GRIP1: variants seen among roughly 807,000 people sequenced by gnomAD.
GRIP1 encodes glutamate receptor-interacting protein 1.
A neutral mutation model predicts 129.9 loss-of-function variants in GRIP1; 45 were observed. That is an observed-to-expected ratio of 0.35 (90% CI 0.27 to 0.44). GRIP1 has a LOEUF of 0.44. Ranked by LOEUF, GRIP1 falls within the 20% of genes least tolerant of loss-of-function variation. The probability of loss-of-function intolerance (pLI) is 1.00; values close to 1 mark genes in which losing one functional copy is unlikely to be tolerated. For missense variants in GRIP1, 1,196 were observed against 1,396.8 expected, an observed-to-expected ratio of 0.86 and a Z score of 2.29; for synonymous variants, 530 against 520.8, an observed-to-expected ratio of 1.02 and a Z score of -0.24.
upstream of GRIP1, among the ~76,000 whole-genome samples, chr12:66,808,673 G>C (rs559493953): frequency 4.6e-5 from 7 of 152,104 alleles, no homozygotes; most frequent in South Asian, 1.5e-3. Flanking sequence ...GTTTGTTTTT[G>C]TCTTGAAATA....
chr12:66,840,898 A>G (rs1472440855), intron 1 of GRIP1, among the ~76,000 whole-genome samples: 1 of 152,212 alleles, frequency 6.6e-6, no homozygotes, highest in African/African-American at 2.4e-5. Flanking sequence ...ACTATTTTCT[A>G]ACTGGCTAAC....
In GRIP1 at chr12:66,520,583, T is replaced by C. The variant is rs571565437; in HGVS notation, c.503-2607A>G. On this transcript the variant is annotated intron_variant, in intron 5 of 24. Transcript: ENST00000359742. The stretch of plus-strand genomic sequence containing the variant: ...CATTCACTTATTAAGTGCCTCCACA[T>C]ACCAGGCAGTATTCTAAGCTCACAT... Among the ~76,000 whole-genome samples the C allele has an allele frequency of 5.3e-5, 8 of 152,302 alleles. 1 individual carries two copies. The South Asian group carries it at 1.2e-3, about 24-fold the overall frequency.
At chr12:66,900,115 G>A (rs765664592) in intron 1 of GRIP1, among the ~76,000 whole-genome samples, 1 of 152,172 alleles carries the variant, frequency 6.6e-6, no homozygotes, top group East Asian at 1.9e-4. Flanking sequence ...GATTGGTGAA[G>A]CAGGAATAGA....
chr12:66,497,988 C>T (rs901702761), intron 7 of GRIP1, among the ~76,000 whole-genome samples: 3 of 152,126 alleles, frequency 2.0e-5, no homozygotes, highest in South Asian at 2.1e-4. Context: ...CCTGGCTCAT[C>T]CTGGCTCAAA....
intron 1 of GRIP1, among the ~76,000 whole-genome samples, chr12:66,864,214 T>A (rs754075868): frequency 2.0e-5 from 3 of 149,204 alleles, no homozygotes; most frequent in African/African-American, 4.9e-5. Context: ...TTTAAAATAC[T>A]CTTCATGTCC....
chr12:66,980,729 C>T (rs755487749), intron 1 of GRIP1, among the ~76,000 whole-genome samples: 20 of 152,194 alleles, frequency 1.3e-4, no homozygotes, highest in Non-Finnish European at 2.4e-4. Context: ...GGCCAAGCAT[C>T]AGAACCACAG....
intron 1 of GRIP1, among the ~76,000 whole-genome samples, chr12:67,015,740 G>A (rs1276340590): frequency 6.6e-6 from 1 of 152,182 alleles, no homozygotes; most frequent in Non-Finnish European, 1.5e-5. Flanking sequence ...TGGTGAGAGA[G>A]CAATTTCCCT....
At chr12:66,979,246 A>AAAAAG (rs2042206195) in intron 1 of GRIP1, among the ~76,000 whole-genome samples, 1 of 148,190 alleles carries the variant, frequency 6.7e-6, no homozygotes, top group Non-Finnish European at 1.5e-5. Context: ...AAAAAAAAAA[A>AAAAAG]AAAAAAAACA....
chr12:66,606,571 CT>C (rs1367247707), intron 1 of GRIP1, among the ~76,000 whole-genome samples: 1 of 152,090 alleles, frequency 6.6e-6, no homozygotes, highest in Non-Finnish European at 1.5e-5. Context: ...AGTCTAAATC[CT>C]TTATATGTAT....
intron 2 of GRIP1, among the ~76,000 whole-genome samples, chr12:66,565,676 C>T (rs544939442): frequency 9.2e-5 from 14 of 152,220 alleles, no homozygotes; most frequent in Admixed American, 8.5e-4. Flanking sequence ...TCATTGGTAG[C>T]TTGATGGGGA....
At chr12:66,506,905 C>T (rs370156423) in intron 7 of GRIP1, among the ~76,000 whole-genome samples, 4 of 151,442 alleles carry the variant, frequency 2.6e-5, no homozygotes, top group East Asian at 3.9e-4. Context: ...AAACAGAGAA[C>T]GTATAAGAAA....
At chr12:66,692,357 A>C (rs2035010214) in intron 1 of GRIP1, among the ~76,000 whole-genome samples, 1 of 152,176 alleles carries the variant, frequency 6.6e-6, no homozygotes, top group South Asian at 2.1e-4. Context: ...CAGAAATTTG[A>C]GTGGAGAATT....
At chr12:66,366,069 G>C (rs2055125466) in intron 23 of GRIP1, among the ~76,000 whole-genome samples, 1 of 152,088 alleles carries the variant, frequency 6.6e-6, no homozygotes, top group African/African-American at 2.4e-5. Flanking sequence ...TCTAGCAAAG[G>C]GTGGTAGACA....
intron 8 of GRIP1, among the ~76,000 whole-genome samples, chr12:66,464,618 T>C (rs1300830740): frequency 3.3e-5 from 5 of 152,186 alleles, no homozygotes; most frequent in African/African-American, 4.8e-5. Context: ...CTACCCTACA[T>C]TAAGAACAGG....
chr12:67,036,353 C>T (rs2043095402), intron 1 of GRIP1, among the ~76,000 whole-genome samples: 1 of 148,482 alleles, frequency 6.7e-6, no homozygotes, highest in South Asian at 2.1e-4. Flanking sequence ...TTTTTTTAGA[C>T]TGAGTCTCAC....
At chr12:66,886,333 T>G (rs1265168494) in intron 1 of GRIP1, among the ~76,000 whole-genome samples, 1 of 152,138 alleles carries the variant, frequency 6.6e-6, no homozygotes, top group Non-Finnish European at 1.5e-5. Context: ...AAAATGCTCA[T>G]GAGAAACATA....
At chr12:66,884,475 G>A (rs1252279) in intron 1 of GRIP1, among the ~76,000 whole-genome samples, 102,809 of 152,014 alleles carry the variant, frequency 0.68, 35,358 homozygotes, top group Admixed American at 0.79. Flanking sequence ...ATTGTAATAC[G>A]CACGAACAGG....
chr12:66,455,653 A>C (rs1167889739), intron 10 of GRIP1, 89 bp from the exon 11 acceptor site: 1 of 1,196,388 alleles, frequency 8.4e-7, no homozygotes, highest in Admixed American at 1.7e-5. Flanking sequence ...CCAGAAAGAC[A>C]CACATGATGC....
At chr12:66,732,691 T>C (rs1565993606) in intron 1 of GRIP1, among the ~76,000 whole-genome samples, 3 of 152,184 alleles carry the variant, frequency 2.0e-5, no homozygotes, top group East Asian at 1.9e-4. Flanking sequence ...GAATATAGTA[T>C]ATAATACATA....
Sources: gnomAD v4.1 joint callset for allele counts (sites outside exome capture counted in the v4.1 genomes callset) on GRCh38, gnomAD v4.1.1 for gene constraint, MANE v1.5 for transcripts, NCBI Gene and HGNC (gene_info 2026-07-23, HGNC 2026-07-21) for gene names.